The following GMDS variants were observed in gnomAD, a reference collection of about 807,000 sequenced individuals.
GMDS encodes the protein GDP-mannose 4,6 dehydratase.
A neutral mutation model predicts 49.9 loss-of-function variants in GMDS; 20 were observed. The observed-to-expected ratio is 0.40, with a 90% CI of 0.28 to 0.58. GMDS has a LOEUF of 0.58. Ranked by LOEUF, GMDS falls within the 20% of genes least tolerant of loss-of-function variation. The probability of loss-of-function intolerance (pLI) is 0.42; values close to 1 mark genes in which losing one functional copy is unlikely to be tolerated. For synonymous variants in GMDS, 177 were observed against 178.6 expected, an observed-to-expected ratio of 0.99 and a Z score of 0.07; for missense variants, 362 against 481.4, an observed-to-expected ratio of 0.75 and a Z score of 2.32.
At chr6:2,025,324 T>C (rs9405540) in intron 4 of GMDS, among the ~76,000 whole-genome samples, 41,002 of 150,574 alleles carry the variant, frequency 0.27, 5,625 homozygotes, top group South Asian at 0.3. Context: ...AATTCAAAAA[T>C]CAAAACTATT....
chr6:1,843,065 G>A (rs578223852), intron 7 of GMDS, among the ~76,000 whole-genome samples: 100 of 151,348 alleles, frequency 6.6e-4, no homozygotes, highest in South Asian at 2.1e-3. Flanking sequence ...AGCTGAAATC[G>A]TGTCACTGCT....
chr6:2,233,703 C>G (rs562339852), intron 1 of GMDS, among the ~76,000 whole-genome samples: 1 of 152,198 alleles, frequency 6.6e-6, no homozygotes, highest in South Asian at 2.1e-4. Context: ...ACCTGTAGTC[C>G]CAGCTACTCA....
intron 6 of GMDS, among the ~76,000 whole-genome samples, chr6:1,943,625 G>A (rs899109264): frequency 2.6e-5 from 4 of 152,120 alleles, no homozygotes; most frequent in African/African-American, 9.7e-5. Context: ...CAGAGTCTCA[G>A]GAATGATTAA....
chr6:1,716,578 G>A (rs1167106866), intron 9 of GMDS, among the ~76,000 whole-genome samples: 1 of 152,204 alleles, frequency 6.6e-6, no homozygotes, highest in South Asian at 2.1e-4. Flanking sequence ...GTGAAGAGGG[G>A]TGGCCTGCTG....
chr6:1,906,536 A>G (rs972183140), intron 7 of GMDS, among the ~76,000 whole-genome samples: 2 of 152,230 alleles, frequency 1.3e-5, no homozygotes, highest in Non-Finnish European at 2.9e-5. Context: ...TTATCTGAAT[A>G]CATGCACTCA....
At chr6:2,074,975 G>T (rs1056147633) in intron 4 of GMDS, among the ~76,000 whole-genome samples, 1 of 151,936 alleles carries the variant, frequency 6.6e-6, no homozygotes, top group East Asian at 1.9e-4. Flanking sequence ...TTTATTTCTG[G>T]GTTCTCTATT....
chr6:1,740,193 TAGAG>T (rs901414324), intron 8 of GMDS, among the ~76,000 whole-genome samples: 1 of 152,160 alleles, frequency 6.6e-6, no homozygotes, highest in Non-Finnish European at 1.5e-5. Flanking sequence ...TAAAATATGT[TAGAG>T]AGTTATTAAA....
chr6:1,958,019 T>G (rs1282074102), intron 6 of GMDS, among the ~76,000 whole-genome samples: 1 of 152,008 alleles, frequency 6.6e-6, no homozygotes, highest in Non-Finnish European at 1.5e-5. Context: ...TTGCCCAGGC[T>G]GGTCCCAAAC....
At chr6:1,761,585 T>C (rs1171168778) in intron 7 of GMDS, among the ~76,000 whole-genome samples, 4 of 152,244 alleles carry the variant, frequency 2.6e-5, no homozygotes, top group African/African-American at 9.6e-5. Context: ...ACAGCATTTT[T>C]CACATGCATT....
At chr6:1,741,443 C>T in intron 8 of GMDS, among the ~76,000 whole-genome samples, 1 of 152,100 alleles carries the variant, frequency 6.6e-6, no homozygotes, top group East Asian at 1.9e-4. Context: ...ACTTGTCATT[C>T]TGTGTCTGGC....
chr6:2,224,345 G>A (rs889814885), intron 1 of GMDS, among the ~76,000 whole-genome samples: 1 of 152,182 alleles, frequency 6.6e-6, no homozygotes, highest in African/African-American at 2.4e-5. Context: ...ATTCAGCTCT[G>A]TTGCAGGGAT....
intron 1 of GMDS, 111 bp from the exon 2 acceptor site, chr6:2,124,842 A>G: frequency 1.4e-6 from 1 of 732,106 alleles, no homozygotes; most frequent in Non-Finnish European, 2.4e-6. Context: ...CTTAAGGACA[A>G]TGGCAACCTA....
intron 9 of GMDS, among the ~76,000 whole-genome samples, chr6:1,660,686 A>C (rs1443347826): frequency 3.3e-5 from 5 of 149,322 alleles, no homozygotes; most frequent in African/African-American, 1.2e-4. Context: ...CATATCTCAA[A>C]CAAGATGTGG....
intron 7 of GMDS, among the ~76,000 whole-genome samples, chr6:1,829,677 C>T (rs1771268832): frequency 6.6e-6 from 1 of 152,210 alleles, no homozygotes; most frequent in Non-Finnish European, 1.5e-5. Flanking sequence ...TGGGCTCAAG[C>T]GATCCACCCT....
intron 7 of GMDS, among the ~76,000 whole-genome samples, chr6:1,866,085 G>C (rs1212108127): frequency 1.3e-5 from 2 of 152,168 alleles, no homozygotes; most frequent in Non-Finnish European, 2.9e-5. Context: ...CCACCTCTCC[G>C]TTTCCACCTC....
At chr6:2,136,926 A>G (rs1776036996) in intron 1 of GMDS, among the ~76,000 whole-genome samples, 1 of 148,566 alleles carries the variant, frequency 6.7e-6, no homozygotes, top group South Asian at 2.1e-4. Context: ...AAAAAAAAAG[A>G]AAGAAAAACT....
intron 7 of GMDS, among the ~76,000 whole-genome samples, chr6:1,865,254 T>G (rs925036186): frequency 1.3e-5 from 2 of 152,244 alleles, no homozygotes; most frequent in Non-Finnish European, 2.9e-5. Context: ...CCTATTTCTC[T>G]TTCATTTCTC....
intron 2 of GMDS, among the ~76,000 whole-genome samples, chr6:2,122,967 CT>C (rs1209458496): frequency 6.6e-6 from 1 of 152,206 alleles, no homozygotes; most frequent in Non-Finnish European, 1.5e-5. Context: ...ATAATAAAAT[CT>C]GCTCTTACAA....
intron 4 of GMDS, among the ~76,000 whole-genome samples, chr6:2,020,319 A>T (rs1394439672): frequency 6.6e-6 from 1 of 151,708 alleles, no homozygotes; most frequent in Non-Finnish European, 1.5e-5. Context: ...AATAAATAAA[A>T]TAAATTAAAT....
Sources: allele counts gnomAD v4.1 joint callset (sites outside exome capture counted in the v4.1 genomes callset), GRCh38; gene constraint gnomAD v4.1.1; transcripts MANE v1.5; gene names NCBI Gene and HGNC (gene_info 2026-07-23, HGNC 2026-07-21).